LUC7L2: variants seen among roughly 807,000 people sequenced by gnomAD.
LUC7L2 encodes the protein LUC7 like 2, pre-mRNA splicing factor, also known as putative RNA-binding protein Luc7-like 2.
Under a neutral mutation model 52.8 loss-of-function variants are expected in LUC7L2, and 25 were observed. The observed-to-expected ratio is 0.47, with a 90% CI of 0.34 to 0.66. The LOEUF (loss-of-function observed/expected upper bound fraction) is 0.66, where lower values mean the gene tolerates loss of function less well. LUC7L2 is among the 30% of genes least tolerant of loss of function. The probability of loss-of-function intolerance (pLI) is 0.01; values close to 1 mark genes in which losing one functional copy is unlikely to be tolerated. For missense variants in LUC7L2, 328 were observed against 497.8 expected, an observed-to-expected ratio of 0.66 and a Z score of 3.25; for synonymous variants, 144 against 160.9, an observed-to-expected ratio of 0.89 and a Z score of 0.80.
chr7:139,352,211 C>T (rs1446487950), intron 1 of LUC7L2, among the ~76,000 whole-genome samples: 1 of 151,434 alleles, frequency 6.6e-6, no homozygotes, highest in Admixed American at 6.6e-5. Context: ...GAAGAAAAGC[C>T]AGGCATGGTG....
chr7:139,412,441 T>C lies in LUC7L2; in HGVS notation c.780-110T>C. 5 of 1,350,894 alleles carry C rather than the reference T, an allele frequency of 3.7e-6. No homozygotes were observed. The South Asian group carries it at 7.3e-5, about 20-fold the overall frequency. 83.7% of individuals were successfully genotyped at this position (1,350,894 alleles called of 1,614,324 possible). A position where few individuals can be genotyped will look rare whatever the true frequency, so the allele number is the denominator to read the frequency against. Reference sequence around the variant, plus strand: ...TTTGTGTGCGTAGGTACACGCCTTGTATTTATAAAATTAATGTAAACATTA... The same window carrying C: ...TTTGTGTGCGTAGGTACACGCCTTGCATTTATAAAATTAATGTAAACATTA... On this transcript the variant is annotated intron_variant, in intron 7 of 9. Transcript: ENST00000354926.
chr7:139,345,877 A>C, intron 1 of LUC7L2: 1 of 702,486 alleles, frequency 1.4e-6, no homozygotes, highest in East Asian at 3.1e-5. Flanking sequence ...AATTTACTGA[A>C]CTTTTTGCAC....
chr7:139,371,498 C>T (rs1346115186), intron 1 of LUC7L2: 1 of 1,352,782 alleles, frequency 7.4e-7, no homozygotes, highest in Admixed American at 2.2e-5. Context: ...AAAATAGCAC[C>T]TAAATCTATG....
chr7:139,385,147 G>A (rs1294496435), intron 2 of LUC7L2, among the ~76,000 whole-genome samples: 1 of 152,042 alleles, frequency 6.6e-6, no homozygotes, highest in East Asian at 1.9e-4. Context: ...ATGGCGGACT[G>A]TAGTGTTGAT....
At chr7:139,409,500 T>C in intron 6 of LUC7L2, 63 bp from the exon 7 acceptor site, 1 of 1,528,210 alleles carries the variant, frequency 6.5e-7, no homozygotes, top group East Asian at 2.5e-5. Flanking sequence ...ATATAAAGTT[T>C]AGGATAAAGC....
At chr7:139,370,268 A>G (rs567623117) in intron 1 of LUC7L2, among the ~76,000 whole-genome samples, 26 of 152,336 alleles carry the variant, frequency 1.7e-4, no homozygotes, top group African/African-American at 4.6e-4. Context: ...GTTAATTACA[A>G]AAGGATTTGT....
At chr7:139,398,729 A>G (rs771608521) in intron 3 of LUC7L2, 32 bp downstream of exon 3, 1 of 1,590,530 alleles carries the variant, frequency 6.3e-7, no homozygotes, top group South Asian at 1.1e-5. Flanking sequence ...GTTTGTTGTT[A>G]TCTTTTGCTG....
chr7:139,341,412 A>G (rs756259682), intron 1 of LUC7L2: 1 of 1,613,452 alleles, frequency 6.2e-7, no homozygotes, highest in Non-Finnish European at 8.5e-7. Context: ...CCCGTCGCAC[A>G]CTTTTCGAGG....
chr7:139,367,975 G>A (rs373674860), intron 1 of LUC7L2, among the ~76,000 whole-genome samples: 3 of 152,180 alleles, frequency 2.0e-5, no homozygotes, highest in African/African-American at 7.2e-5. Flanking sequence ...CATTATGGAC[G>A]GGAGCAGAGC....
intron 2 of LUC7L2, among the ~76,000 whole-genome samples, chr7:139,390,977 C>T (rs1052065127): frequency 1.3e-5 from 2 of 152,210 alleles, no homozygotes; most frequent in Admixed American, 1.3e-4. Context: ...CTTTCACTCT[C>T]CTTGTGTAAA....
upstream of LUC7L2, among the ~76,000 whole-genome samples, chr7:139,355,548 G>A (rs547329365): frequency 1.3e-5 from 2 of 152,082 alleles, no homozygotes; most frequent in Non-Finnish European, 2.9e-5. Flanking sequence ...CAGGGAACCA[G>A]GAACTATAAA....
intron 3 of LUC7L2, 98 bp from the exon 4 acceptor site, chr7:139,402,039 T>G: frequency 7.7e-7 from 1 of 1,295,906 alleles, no homozygotes; most frequent in Non-Finnish European, 1.0e-6. Flanking sequence ...TGCCCCACCA[T>G]GGTAGCATTT....
intron 2 of LUC7L2, among the ~76,000 whole-genome samples, chr7:139,380,362 G>C (rs1484959269): frequency 6.6e-6 from 1 of 152,000 alleles, no homozygotes; most frequent in East Asian, 1.9e-4. Flanking sequence ...GGGAGGCCGA[G>C]GGGGGATGGG....
intron 1 of LUC7L2, among the ~76,000 whole-genome samples, chr7:139,347,341 A>G (rs757894936): frequency 5.8e-5 from 7 of 120,212 alleles, no homozygotes; most frequent in Non-Finnish European, 9.4e-5. Flanking sequence ...TAATCCCAGG[A>G]CTTTGGGAAG....
chr7:139,360,492 A>T (rs1334722184), intron 1 of LUC7L2, among the ~76,000 whole-genome samples, 170 bp downstream of exon 1: 3 of 151,928 alleles, frequency 2.0e-5, no homozygotes, highest in Non-Finnish European at 4.4e-5. Context: ...GCAGGCGGGC[A>T]GGGGGGGCGG....
rs762406923 is a variant in LUC7L2 at position 139,405,830 on chromosome 7, A to G, written c.510+43A>G. ...GTAGACGAATTCTGCTTAATTTGGT[A>G]AGACTACAAATAAAAAGTAGTAGAT... On this transcript the variant is annotated intron_variant, in intron 5 of 9. Coordinates refer to ENST00000354926, the MANE Select transcript of LUC7L2 (RefSeq NM_016019.5). 6 of 1,544,448 alleles carry G rather than the reference A, an allele frequency of 3.9e-6. No individual in the cohort carries two copies. In the South Asian group the frequency reaches 7.7e-5, roughly 20 times the overall value.
chr7:139,351,460 C>T (rs955373043), intron 1 of LUC7L2, among the ~76,000 whole-genome samples: 1 of 151,732 alleles, frequency 6.6e-6, no homozygotes, highest in African/African-American at 2.4e-5. Flanking sequence ...CTAGTGTAGA[C>T]CTCTTACATC....
At chr7:139,400,753 C>A (rs986314533) in intron 3 of LUC7L2, among the ~76,000 whole-genome samples, 2 of 152,154 alleles carry the variant, frequency 1.3e-5, no homozygotes, top group South Asian at 4.1e-4. Context: ...CATCTTTTCT[C>A]TCACTGCTTT....
At chr7:139,399,449 A>ATT (rs71169090) in intron 3 of LUC7L2, among the ~76,000 whole-genome samples, 1,227 of 50,458 alleles carry the variant, frequency 0.024, 367 homozygotes, top group East Asian at 0.06. Flanking sequence ...TGTTTGGGGG[A>ATT]TTTTTTTTTT....
Sources: allele counts gnomAD v4.1 joint callset (sites outside exome capture counted in the v4.1 genomes callset), GRCh38; gene constraint gnomAD v4.1.1; transcripts MANE v1.5; gene names NCBI Gene and HGNC (gene_info 2026-07-23, HGNC 2026-07-21).